Variants in GALNT13 observed in about 807,000 individuals in gnomAD.
GALNT13 encodes UDP-GalNAc:polypeptide N-acetylgalactosaminyltransferase 13.
In GALNT13, 28 loss-of-function variants were observed where a neutral mutation model predicts 64.2. That is an observed-to-expected ratio of 0.44 (90% CI 0.32 to 0.60). The LOEUF is 0.60. Among genes scored for constraint, GALNT13 ranks in the 20% least tolerant of loss-of-function variants. The probability of loss-of-function intolerance (pLI) is 0.05; values close to 1 mark genes in which losing one functional copy is unlikely to be tolerated. For missense variants in GALNT13, 577 were observed against 669.8 expected (o/e 0.86, Z 1.53); for synonymous variants, 214 against 224.6 (o/e 0.95, Z 0.42).
chr2:154,018,937 G>A (rs1283149835), intron 3 of GALNT13, among the ~76,000 whole-genome samples: 3 of 151,968 alleles, frequency 2.0e-5, no homozygotes, highest in African/African-American at 7.3e-5. Context: ...AGAGATGAAG[G>A]GAGGGAATAG....
intron 4 of GALNT13, among the ~76,000 whole-genome samples, chr2:154,221,280 T>G (rs988475809): frequency 7.2e-5 from 11 of 152,086 alleles, no homozygotes; most frequent in Non-Finnish European, 1.2e-4. Context: ...GTAATGTTTA[T>G]TTTTCATTGT....
the GALNT13 span, among the ~76,000 whole-genome samples, chr2:153,358,649 G>A: frequency 6.6e-6 from 1 of 152,118 alleles, no homozygotes; most frequent in African/African-American, 2.4e-5. Context: ...AGCAATTCAT[G>A]TAGAAATAAT....
At chr2:154,103,190 TA>T (rs1447380363) in intron 3 of GALNT13, among the ~76,000 whole-genome samples, 2 of 152,148 alleles carry the variant, frequency 1.3e-5, no homozygotes, top group African/African-American at 4.8e-5. Flanking sequence ...CTTTGTTCAT[TA>T]AAAATATTTT....
chr2:153,103,836 C>T, the GALNT13 span, among the ~76,000 whole-genome samples: 1 of 152,190 alleles, frequency 6.6e-6, no homozygotes, highest in Non-Finnish European at 1.5e-5. Context: ...TGCTGCTTGG[C>T]TGAGAAATCT....
chr2:153,169,010 A>G, the GALNT13 span, among the ~76,000 whole-genome samples: 1 of 93,686 alleles, frequency 1.1e-5, no homozygotes, highest in Non-Finnish European at 2.1e-5. Flanking sequence ...TTGGAACTAT[A>G]GTTTAAAAAA....
chr2:154,395,861 G>A, intron 9 of GALNT13, 130 bp from the exon 10 acceptor site: 1 of 663,808 alleles, frequency 1.5e-6, no homozygotes. Flanking sequence ...ATCCAGTGGA[G>A]TAGCAGCTGC....
chr2:153,134,312 G>C, the GALNT13 span, among the ~76,000 whole-genome samples: 1 of 151,986 alleles, frequency 6.6e-6, no homozygotes. Flanking sequence ...ATTTCGCTTT[G>C]GAAATGAGTC....
the GALNT13 span, among the ~76,000 whole-genome samples, chr2:153,794,175 C>T: frequency 6.6e-6 from 1 of 152,012 alleles, no homozygotes; most frequent in East Asian, 1.9e-4. Context: ...ATTCTGAGAT[C>T]TAGGTTAATA....
At chr2:153,846,161 A>T in the GALNT13 span, among the ~76,000 whole-genome samples, 2 of 152,176 alleles carry the variant, frequency 1.3e-5, no homozygotes, top group Non-Finnish European at 2.9e-5. Flanking sequence ...TACAAAAATA[A>T]ATTTGAATAC....
At chr2:153,329,073 T>C in the GALNT13 span, among the ~76,000 whole-genome samples, 1 of 151,984 alleles carries the variant, frequency 6.6e-6, no homozygotes, top group African/African-American at 2.4e-5. Flanking sequence ...TTCCCAGACC[T>C]CTTGTGCTCC....
chr2:153,960,432 T>C (rs961603972), intron 3 of GALNT13, among the ~76,000 whole-genome samples: 1 of 152,224 alleles, frequency 6.6e-6, no homozygotes, highest in Admixed American at 6.5e-5. Flanking sequence ...ACAGACAGTG[T>C]TACAGCTCTG....
the GALNT13 span, among the ~76,000 whole-genome samples, chr2:153,585,212 G>A: frequency 6.6e-6 from 1 of 152,088 alleles, no homozygotes; most frequent in Non-Finnish European, 1.5e-5. Context: ...AATTTACTAA[G>A]GAGATAGATA....
At chr2:154,291,363 G>C (rs1405329849) in intron 8 of GALNT13, among the ~76,000 whole-genome samples, 1 of 152,134 alleles carries the variant, frequency 6.6e-6, no homozygotes, top group Non-Finnish European at 1.5e-5. Flanking sequence ...GTGCTGATTG[G>C]TGTGTTTACA....
the GALNT13 span, among the ~76,000 whole-genome samples, chr2:153,205,051 C>T: frequency 2.4e-4 from 37 of 151,958 alleles, no homozygotes; most frequent in Non-Finnish European, 5.0e-4. Context: ...TGATGGTAAA[C>T]GTTATTTTGA....
At chr2:153,092,382 C>A in the GALNT13 span, among the ~76,000 whole-genome samples, 1 of 151,914 alleles carries the variant, frequency 6.6e-6, no homozygotes, top group East Asian at 1.9e-4. Flanking sequence ...TGAAGAATAT[C>A]ATTTGTATTT....
chr2:153,434,685 T>A, the GALNT13 span, among the ~76,000 whole-genome samples: 1 of 152,222 alleles, frequency 6.6e-6, no homozygotes, highest in Non-Finnish European at 1.5e-5. Flanking sequence ...GTTTGGTTTT[T>A]TTCTTGTAAA....
chr2:154,201,222 A>G (rs1456935014), intron 4 of GALNT13, among the ~76,000 whole-genome samples: 1 of 152,134 alleles, frequency 6.6e-6, no homozygotes, highest in African/African-American at 2.4e-5. Context: ...TTATACTGTT[A>G]GTAGTTAATA....
At chr2:154,004,249 A>T (rs994820924) in intron 3 of GALNT13, among the ~76,000 whole-genome samples, 1 of 151,564 alleles carries the variant, frequency 6.6e-6, no homozygotes, top group Non-Finnish European at 1.5e-5. Flanking sequence ...CTCTGTCTCC[A>T]GGCTGGAGTG....
the GALNT13 span, among the ~76,000 whole-genome samples, chr2:153,144,463 T>A: frequency 5.3e-5 from 8 of 151,928 alleles, no homozygotes; most frequent in African/African-American, 1.9e-4. Flanking sequence ...TGTGTCCTAA[T>A]TTGTCATTAG....
Sources: allele counts gnomAD v4.1 joint callset (sites outside exome capture counted in the v4.1 genomes callset), GRCh38; gene constraint gnomAD v4.1.1; transcripts MANE v1.5; gene names NCBI Gene and HGNC (gene_info 2026-07-23, HGNC 2026-07-21).